The following REEP5 variants were observed in gnomAD, a reference collection of about 807,000 sequenced individuals.
The protein encoded by REEP5 is receptor expression-enhancing protein 5.
A neutral mutation model predicts 22.4 loss-of-function variants in REEP5; 24 were observed. That is an observed-to-expected ratio of 1.07 (90% CI 0.78 to 1.51). The LOEUF is 1.51. REEP5 is among the 40% of genes most tolerant of loss of function. The pLI is 0.00. For missense variants in REEP5, 252 were observed against 233.0 expected (o/e 1.08, Z -0.53); for synonymous variants, 103 against 88.6 (o/e 1.16, Z -0.92).
At position 112,877,227 on chromosome 5, in the gene REEP5, CT is replaced by C. The variant is rs1767924701; in HGVS notation, c.*1558del. On this transcript the variant is annotated 3_prime_UTR_variant, in exon 5 of 5. Transcript: ENST00000379638. The stretch of plus-strand genomic sequence containing the variant: ...TGATACTGTCACTTAGTATTGATAT[CT>C]TTAATATTTTTTACATCATGAGACA... 2.6e-5 allele frequency: 4 copies of C among 152,144 alleles called. No individual in the cohort carries two copies. The highest frequency in any genetic ancestry group is 5.9e-5 in the Non-Finnish European group (4 of 68,026). 9.4% of individuals were successfully genotyped at this position (152,144 alleles called of 1,614,324 possible). A position where few individuals can be genotyped will look rare whatever the true frequency, so the allele number is the denominator to read the frequency against.
At position 112,921,169 on chromosome 5, in the gene REEP5, T is replaced by A. The variant is rs774702472; in HGVS notation, c.206A>T (p.Tyr69Phe). The A allele has an allele frequency of 1.9e-6, 3 of 1,613,980 alleles. No homozygotes were observed. Among genetic ancestry groups the A allele is most frequent in the African/African-American group, 1.3e-5 (1 of 74,996 alleles). The part of the protein sequence containing the change: ...CNLIGFGYPA[Y>F]ISIKAIESPN... ...TGCAGGGTGTGTCACTTACGAGATG[T>A]AGGCTGGGTAGCCAAATCCTATCAG... Residue 69 changes from tyrosine (Y) to phenylalanine (F), a missense_variant, in exon 2 of 5, where the codon TAC becomes TTC. Tyr to Phe is a conservative substitution (Grantham distance 22). Coordinates refer to ENST00000379638, the MANE Select transcript of REEP5 (RefSeq NM_005669.5).
intron 2 of REEP5, among the ~76,000 whole-genome samples, chr5:112,909,239 A>T (rs948675651): frequency 2.0e-5 from 3 of 147,784 alleles, no homozygotes; most frequent in Admixed American, 6.9e-5. Context: ...TCACCTATCT[A>T]GTATGGATAA....
chr5:112,901,359 T>C lies in REEP5; in HGVS notation c.351+1021A>G, dbSNP rs181372166. Among the ~76,000 whole-genome samples the C allele has an allele frequency of 2.3e-3, 355 of 152,258 alleles. 2 individuals carry two copies. The highest frequency in any genetic ancestry group is 8.2e-3 in the African/African-American group (342 of 41,554). ...TAGTTGAAATGAAGAACACGGTATATAGCAGGAATAACAGAATGGTTATAA... is the reference window on the plus strand; with the variant it reads ...TAGTTGAAATGAAGAACACGGTATACAGCAGGAATAACAGAATGGTTATAA... On this transcript the variant is annotated intron_variant, in intron 3 of 4. Transcript: ENST00000379638.
intron 3 of REEP5, among the ~76,000 whole-genome samples, chr5:112,901,088 C>A (rs1053727961): frequency 6.6e-6 from 1 of 152,096 alleles, no homozygotes; most frequent in African/African-American, 2.4e-5. Flanking sequence ...ATCTGCCCGC[C>A]TCGGCCTCCC....
At chr5:112,881,128 CA>C (rs58737941) in intron 4 of REEP5, among the ~76,000 whole-genome samples, 55 of 67,216 alleles carry the variant, frequency 8.2e-4, no homozygotes, top group East Asian at 3.1e-3. Context: ...GACTCTGTTT[CA>C]AAAAAAAAAA....
At chr5:112,892,007 A>C in intron 3 of REEP5, 1 of 1,293,098 alleles carries the variant, frequency 7.7e-7, no homozygotes, top group Non-Finnish European at 1.1e-6. Context: ...CAGAGGAAAG[A>C]GAGAGAAGAG....
At position 112,887,177 on chromosome 5, in the gene REEP5, A is replaced by G. The variant is rs1768280343; in HGVS notation, c.358T>C (p.Phe120Leu). Residue 120 changes from phenylalanine to leucine, a missense_variant, in exon 4 of 5, where the codon TTC becomes CTC. Physicochemically the swap from Phe to Leu is conservative, Grantham distance 22 (BLOSUM62 0). Coordinates refer to ENST00000379638, the MANE Select transcript of REEP5 (RefSeq NM_005669.5). ...FPFYYMLKCGFLLWCMAPSPS... is the reference protein window; with the variant it reads ...FPFYYMLKCGLLLWCMAPSPS... ...CTCGGGGCCATGCACCACAACAGGA[A>G]GCCACACTGCACAGAAAAAGAGCCA... 1.9e-6 allele frequency: 3 copies of G among 1,596,428 alleles called. No individual in the cohort carries two copies. The South Asian group carries it at 3.4e-5, about 18-fold the overall frequency.
intron 2 of REEP5, among the ~76,000 whole-genome samples, chr5:112,912,352 T>G (rs1439909281): frequency 6.6e-6 from 1 of 152,188 alleles, no homozygotes; most frequent in Non-Finnish European, 1.5e-5. Flanking sequence ...TTCACAGCAT[T>G]GGCTTTATTA....
chr5:112,896,888 C>T (rs1034566292), intron 3 of REEP5: 2 of 152,084 alleles, frequency 1.3e-5, no homozygotes, highest in Admixed American at 6.6e-5. Context: ...GAGGTCACGC[C>T]ACTGCACTCC....
chr5:112,915,432 G>T (rs1769210642), intron 2 of REEP5, among the ~76,000 whole-genome samples: 1 of 152,192 alleles, frequency 6.6e-6, no homozygotes, highest in Admixed American at 6.5e-5. Flanking sequence ...GTCACAAGTT[G>T]TTATAAGGAT....
At chr5:112,913,536 T>TAAAAAA (rs148324454) in intron 2 of REEP5, among the ~76,000 whole-genome samples, 1 of 65,436 alleles carries the variant, frequency 1.5e-5, no homozygotes, top group Non-Finnish European at 2.9e-5. Flanking sequence ...TGACCCTGGC[T>TAAAAAA]AAAAAAAAAA....
intron 4 of REEP5, among the ~76,000 whole-genome samples, chr5:112,882,775 A>G (rs776185098): frequency 2.0e-5 from 3 of 152,204 alleles, no homozygotes; most frequent in Non-Finnish European, 4.4e-5. Context: ...CTTTACAGAA[A>G]AAGATGAGCA....
At chr5:112,918,961 G>A (rs1769289138) in intron 2 of REEP5, among the ~76,000 whole-genome samples, 1 of 152,222 alleles carries the variant, frequency 6.6e-6, no homozygotes, top group Non-Finnish European at 1.5e-5. Flanking sequence ...TGCCTGGGTA[G>A]ACTGCTCATT....
chr5:112,878,919 G>A (rs1767980516), intron 4 of REEP5, 84 bp from the exon 5 acceptor site: 3 of 1,602,670 alleles, frequency 1.9e-6, no homozygotes, highest in Non-Finnish European at 2.6e-6. Flanking sequence ...GCCTAATGTA[G>A]CTACTAGATA....
intron 2 of REEP5, among the ~76,000 whole-genome samples, chr5:112,913,917 T>C (rs2150047741): frequency 7.4e-6 from 1 of 135,340 alleles, no homozygotes; most frequent in Non-Finnish European, 1.7e-5. Flanking sequence ...AATGTGTGTG[T>C]GTTTGTGTGT....
At chr5:112,884,647 A>C (rs949125524) in intron 4 of REEP5, among the ~76,000 whole-genome samples, 1 of 152,048 alleles carries the variant, frequency 6.6e-6, no homozygotes, top group Admixed American at 6.5e-5. Flanking sequence ...TAGCCTCCCA[A>C]AATGTTGGGA....
chr5:112,879,767 T>G (rs1049371598), intron 4 of REEP5, among the ~76,000 whole-genome samples: 1 of 151,798 alleles, frequency 6.6e-6, no homozygotes. Flanking sequence ...TAAGCCACCA[T>G]GCCCGGCCTC....
intron 3 of REEP5, chr5:112,891,795 G>A (rs1768461923): frequency 6.2e-7 from 1 of 1,608,538 alleles, no homozygotes; most frequent in Non-Finnish European, 8.5e-7. Flanking sequence ...CACAGGAGGA[G>A]GAAGAGGACA....
At chr5:112,919,943 CAT>C in intron 2 of REEP5, among the ~76,000 whole-genome samples, 1 of 152,292 alleles carries the variant, frequency 6.6e-6, no homozygotes, top group South Asian at 2.1e-4. Flanking sequence ...ATTATACAAT[CAT>C]ATTGGTTATG....
Sources: allele counts gnomAD v4.1 joint callset (sites outside exome capture counted in the v4.1 genomes callset), GRCh38; gene constraint gnomAD v4.1.1; transcripts MANE v1.5; gene names NCBI Gene and HGNC (gene_info 2026-07-23, HGNC 2026-07-21).